Variants in JAKMIP2 observed in about 807,000 individuals in gnomAD.
The protein encoded by JAKMIP2 is janus kinase and microtubule interacting protein 2, also known as janus kinase and microtubule-interacting protein 2.
JAKMIP2 carries 25 observed loss-of-function variants against 115.0 expected under a neutral mutation model. That is an observed-to-expected ratio of 0.22 (90% CI 0.16 to 0.30). JAKMIP2 has a LOEUF of 0.30. Ranked by LOEUF, JAKMIP2 falls within the 10% of genes least tolerant of loss-of-function variation. The pLI, the probability that JAKMIP2 is intolerant of heterozygous loss-of-function variation, is 1.00. For synonymous variants in JAKMIP2, 334 were observed against 343.6 expected (o/e 0.97, Z 0.31); for missense variants, 642 against 957.6 (o/e 0.67, Z 4.35).
rs1435281714 is a variant in JAKMIP2 at position 147,661,261 on chromosome 5, T to A, written c.314A>T (p.Lys105Met). The part of the protein sequence containing the change: ...QHEQEMSRTV[K>M]VRDGEIQRLK... Reference sequence around the variant, plus strand: ...CCTCTGGATCTCTCCATCACGTACCTTCACCGTCCTTGACATTTCCTGCTC... The same window carrying A: ...CCTCTGGATCTCTCCATCACGTACCATCACCGTCCTTGACATTTCCTGCTC... The change falls in exon 3 of 22, where the codon AAG becomes ATG. Residue 105 changes from lysine to methionine, a missense_variant. Transcript: ENST00000616793. 1 of 1,613,916 alleles carries A rather than the reference T, an allele frequency of 6.2e-7. No individual in the cohort carries two copies. Among genetic ancestry groups the A allele is most frequent in the Admixed American group, 1.7e-5 (1 of 60,000 alleles).
chr5:147,780,782 G>A (rs749674177), intron 1 of JAKMIP2, among the ~76,000 whole-genome samples: 8 of 152,098 alleles, frequency 5.3e-5, no homozygotes, highest in South Asian at 2.1e-4. Flanking sequence ...AAATGTGGGG[G>A]GTGTATGTAG....
At chr5:147,771,819 A>G (rs925242905) in intron 1 of JAKMIP2, among the ~76,000 whole-genome samples, 2 of 152,152 alleles carry the variant, frequency 1.3e-5, no homozygotes, top group Non-Finnish European at 2.9e-5. Flanking sequence ...GACCAGGGCT[A>G]ACAATTGGAA....
At chr5:147,711,833 A>G (rs1752794386) in intron 1 of JAKMIP2, among the ~76,000 whole-genome samples, 1 of 152,250 alleles carries the variant, frequency 6.6e-6, no homozygotes, top group Admixed American at 6.5e-5. Context: ...ACACCTGGCT[A>G]ATTTTTCTAT....
At chr5:147,653,158 C>T (rs886145179) in intron 3 of JAKMIP2, among the ~76,000 whole-genome samples, 2 of 152,122 alleles carry the variant, frequency 1.3e-5, no homozygotes, top group Admixed American at 6.5e-5. Flanking sequence ...GTAAATAATG[C>T]TGCAATAAAC....
At chr5:147,604,675 AT>A (rs1182242068) in intron 20 of JAKMIP2, among the ~76,000 whole-genome samples, 1 of 152,060 alleles carries the variant, frequency 6.6e-6, no homozygotes, top group Non-Finnish European at 1.5e-5. Flanking sequence ...CAGCCATAAC[AT>A]TTTACCATAC....
At chr5:147,720,137 G>C (rs933382230) in intron 1 of JAKMIP2, among the ~76,000 whole-genome samples, 2 of 152,088 alleles carry the variant, frequency 1.3e-5, no homozygotes, top group African/African-American at 4.8e-5. Flanking sequence ...TGAAATTCTG[G>C]GTTGAAAATT....
At position 147,650,520 on chromosome 5, in the gene JAKMIP2, T is replaced by C; in HGVS notation, c.655A>G (p.Ile219Val). The change falls in exon 4 of 22, where the codon ATC becomes GTC. Residue 219 changes from isoleucine to valine, a missense_variant. By Grantham distance (29) the Ile-to-Val change is conservative. Transcript: ENST00000616793. Reference sequence around the variant, plus strand: ...AGTTCCTTTTCCAGGGAAAAGATGATCCTGTCCTTGGCTTTGATTTCATCC... The same window carrying C: ...AGTTCCTTTTCCAGGGAAAAGATGACCCTGTCCTTGGCTTTGATTTCATCC... ...LMDEIKAKDR[I>V]IFSLEKELET... The C allele has an allele frequency of 1.2e-6, 2 of 1,613,526 alleles. No homozygotes were observed. Among genetic ancestry groups the C allele is most frequent in the Non-Finnish European group, 1.7e-6 (2 of 1,179,784 alleles).
intron 21 of JAKMIP2, among the ~76,000 whole-genome samples, chr5:147,599,093 T>C (rs1755556203): frequency 6.6e-6 from 1 of 152,172 alleles, no homozygotes; most frequent in Non-Finnish European, 1.5e-5. Flanking sequence ...TAATTTTGAA[T>C]TTAGTATAAT....
At chr5:147,683,094 G>C (rs1760380693) in intron 1 of JAKMIP2, among the ~76,000 whole-genome samples, 1 of 152,216 alleles carries the variant, frequency 6.6e-6, no homozygotes, top group African/African-American at 2.4e-5. Flanking sequence ...ATCTCAAACA[G>C]AGCGGGAAGC....
chr5:147,624,893 T>C (rs1359874820), intron 16 of JAKMIP2, among the ~76,000 whole-genome samples: 1 of 152,144 alleles, frequency 6.6e-6, no homozygotes, highest in Admixed American at 6.5e-5. Flanking sequence ...AAGTAAAGAT[T>C]AAGGAAGTAA....
At chr5:147,723,041 TCAA>T (rs200952606) in intron 1 of JAKMIP2, among the ~76,000 whole-genome samples, 18,357 of 152,218 alleles carry the variant, frequency 0.12, 1,190 homozygotes, top group Middle Eastern at 0.18. Flanking sequence ...CCACGCATCA[TCAA>T]CACTGTATTG....
At chr5:147,612,515 C>T in intron 19 of JAKMIP2, 144 bp from the exon 20 acceptor site, 2 of 562,354 alleles carry the variant, frequency 3.6e-6, no homozygotes, top group Admixed American at 6.9e-5. Flanking sequence ...TATGTTTTCC[C>T]CACCCAAAAA....
chr5:147,600,087 GTTTTTTTTTTTTTTT>G (rs369043130), intron 21 of JAKMIP2, among the ~76,000 whole-genome samples: 1 of 67,942 alleles, frequency 1.5e-5, no homozygotes, highest in Non-Finnish European at 2.8e-5. Flanking sequence ...TTTATTTACT[GTTTTTTTTTTTTTTT>G]TTTTTTTTTG....
chr5:147,645,140 A>G, intron 5 of JAKMIP2, 144 bp from the exon 6 acceptor site: 1 of 702,368 alleles, frequency 1.4e-6, no homozygotes, highest in Non-Finnish European at 2.4e-6. Flanking sequence ...TGACATTTCA[A>G]TCCTTCATTT....
intron 1 of JAKMIP2, among the ~76,000 whole-genome samples, chr5:147,735,440 C>G (rs1753884688): frequency 6.6e-6 from 1 of 152,086 alleles, no homozygotes. Flanking sequence ...AAATGAGGAG[C>G]AAAGTCATGT....
At chr5:147,766,795 A>G (rs1755172673) in intron 1 of JAKMIP2, among the ~76,000 whole-genome samples, 1 of 152,116 alleles carries the variant, frequency 6.6e-6, no homozygotes, top group South Asian at 2.1e-4. Context: ...GGCTTCCAAC[A>G]TGGCCTCTAA....
chr5:147,610,792 T>C (rs371787867), intron 20 of JAKMIP2, among the ~76,000 whole-genome samples: 50 of 152,336 alleles, frequency 3.3e-4, no homozygotes, highest in African/African-American at 1.2e-3. Context: ...CAGCTGCCCC[T>C]TCCCCTAGGT....
chr5:147,778,527 AGG>A (rs949600561), intron 1 of JAKMIP2, among the ~76,000 whole-genome samples: 1 of 152,110 alleles, frequency 6.6e-6, no homozygotes, highest in Non-Finnish European at 1.5e-5. Context: ...TCATGAGACT[AGG>A]GATCCAGCCT....
intron 5 of JAKMIP2, among the ~76,000 whole-genome samples, chr5:147,646,519 A>G (rs1356561187): frequency 2.6e-5 from 4 of 152,130 alleles, no homozygotes; most frequent in Non-Finnish European, 5.9e-5. Context: ...CACATCATAC[A>G]TCAATAACCA....
Sources: allele counts gnomAD v4.1 joint callset (sites outside exome capture counted in the v4.1 genomes callset), GRCh38; gene constraint gnomAD v4.1.1; transcripts MANE v1.5; gene names NCBI Gene and HGNC (gene_info 2026-07-23, HGNC 2026-07-21).